Variants in YTHDF2 observed in about 807,000 individuals in gnomAD.
YTHDF2 encodes the protein YTH N6-methyladenosine RNA binding protein F2, also known as YTH domain-containing family protein 2.
Under a neutral mutation model 50.4 loss-of-function variants are expected in YTHDF2, and 2 were observed. The observed-to-expected ratio is 0.04, with a 90% confidence interval of 0.02 to 0.12. The LOEUF is 0.12. Ranked by LOEUF, YTHDF2 falls within the 10% of genes least tolerant of loss-of-function variation. The pLI, the probability that YTHDF2 is intolerant of heterozygous loss-of-function variation, is 1.00. For synonymous variants in YTHDF2, 217 were observed against 255.6 expected, an observed-to-expected ratio of 0.85 and a Z score of 1.44; for missense variants, 483 against 722.6, an observed-to-expected ratio of 0.67 and a Z score of 3.80.
rs180708374 is a variant in YTHDF2, at chr1:28,742,941, A to G, written c.671A>G (p.Asn224Ser). The change falls in exon 4 of 5, where the codon AAT (asparagine) becomes AGT (serine). Residue 224 changes from asparagine (N) to serine (S), a missense_variant. Asn to Ser is a conservative substitution (Grantham distance 46). Transcript: ENST00000373812. ...ATTACTAGTAACATCGTGGCTTCCA[A>G]TAGTTTGCCTCCAGCCACCATTGCT... is the stretch of plus-strand genomic sequence containing the variant. ...GSITSNIVAS[N>S]SLPPATIAPP... 480 of 1,614,140 alleles carry G rather than the reference A, an allele frequency of 3.0e-4. 6 individuals carry two copies. The Admixed American group carries it at 7.2e-3, about 24-fold the overall frequency.
In YTHDF2 at chr1:28,742,923, G is replaced by C; in HGVS notation, c.653G>C (p.Ser218Thr). 2 of 1,614,172 alleles carry C rather than the reference G, an allele frequency of 1.2e-6. No individual in the cohort carries two copies. The highest frequency in any genetic ancestry group is 1.7e-6 in the Non-Finnish European group (2 of 1,180,036). Residue 218 changes from serine to threonine, a missense_variant, in exon 4 of 5, where the codon AGT becomes ACT. This residue lies in a region of YTHDF2 where 385 missense variants were observed against 475.8 expected (regional missense o/e 0.81). Coordinates refer to ENST00000373812, the MANE Select transcript of YTHDF2 (RefSeq NM_016258.3). ...GSAVGSGSIT[S>T]NIVASNSLPP... is the part of the protein sequence containing the mutation. ...GCTGTTGGTAGCGGGTCCATTACTA[G>C]TAACATCGTGGCTTCCAATAGTTTG...
chr1:28,752,207 CTT>C (rs1342480826), intron 4 of YTHDF2, among the ~76,000 whole-genome samples: 3 of 152,184 alleles, frequency 2.0e-5, no homozygotes, highest in Admixed American at 6.5e-5. Flanking sequence ...ATTCCTTACT[CTT>C]GAGGTTATTT....
intron 2 of YTHDF2, chr1:28,737,911 C>A: frequency 5.0e-6 from 3 of 596,860 alleles, no homozygotes; most frequent in South Asian, 4.1e-5. Flanking sequence ...GGTTTTGAAA[C>A]GCTCCAGGTC....
chr1:28,762,713 A>T (rs2088154185), intron 4 of YTHDF2, among the ~76,000 whole-genome samples: 1 of 152,258 alleles, frequency 6.6e-6, no homozygotes, highest in East Asian at 1.9e-4. Context: ...GAAGCTAAAT[A>T]GGCAGATTTA....
Position 28,737,047 on chromosome 1 carries a change from A to C in YTHDF2, c.-74A>C, listed in dbSNP as rs6697540. ...CAAAAGCCTCCGCCTGCTCCCGCAG[A>C]CGGGGCTCATCTGCCGCCGCCGCCG... On this transcript the variant is annotated 5_prime_UTR_variant, in exon 1 of 5. Transcript: ENST00000373812. 1,530,511 of 1,539,214 alleles carry C rather than the reference A, an allele frequency of 0.99. 761,291 individuals are homozygous for C. The highest frequency in any genetic ancestry group is 1 in the East Asian group (40,701 of 40,702).
chr1:28,742,651 T>C lies in YTHDF2; in HGVS notation c.381T>C (p.Ser127=), dbSNP rs1322647844. The change falls in exon 4 of 5, where the codon AGT becomes AGC. Residue 127 remains serine, a synonymous_variant. Coordinates refer to ENST00000373812, the MANE Select transcript of YTHDF2 (RefSeq NM_016258.3). ...LGQHGFNFFP[S]GIDFSAWGNN... ...AGCATGGTTTTAATTTCTTTCCCAG[T>C]GGGATTGACTTCTCAGCATGGGGAA... is the stretch of plus-strand genomic sequence containing the variant. 6.2e-7 allele frequency: 1 copy of C among 1,614,096 alleles called. No homozygotes were observed.
At chr1:28,741,272 A>G (rs945760496) in intron 3 of YTHDF2, among the ~76,000 whole-genome samples, 4 of 152,106 alleles carry the variant, frequency 2.6e-5, no homozygotes. Flanking sequence ...TGCTGGAATT[A>G]CAGGCGTGAG....
At chr1:28,744,112 G>C in intron 4 of YTHDF2, 126 bp downstream of exon 4, 7 of 1,046,170 alleles carry the variant, frequency 6.7e-6, no homozygotes, top group Non-Finnish European at 9.2e-6. Context: ...ACAGTTCAAG[G>C]CTTTATAGAA....
At chr1:28,737,486 C>A in intron 1 of YTHDF2, 172 bp from the exon 2 acceptor site, 1 of 901,324 alleles carries the variant, frequency 1.1e-6, no homozygotes, top group Non-Finnish European at 1.7e-6. Flanking sequence ...GCCCCACGGG[C>A]CTGGCGCTTT....
In YTHDF2 at chr1:28,742,796, C is replaced by G; in HGVS notation, c.526C>G (p.Leu176Val). The G allele has an allele frequency of 6.2e-7, 1 of 1,614,140 alleles. No homozygotes were observed. The highest frequency in any genetic ancestry group is 2.2e-5 in the East Asian group (1 of 44,876). The stretch of plus-strand genomic sequence containing the variant: ...ACAGTCAGCTTTTGCCAATGAGACC[C>G]TCAATAAGGCTCCTGGCATGAATAC... ...DGQSAFANETLNKAPGMNTID... is the reference protein window; with the variant it reads ...DGQSAFANETVNKAPGMNTID... The change falls in exon 4 of 5, where the codon CTC (leucine) becomes GTC (valine). Residue 176 changes from leucine to valine, a missense_variant. By Grantham distance (32) the Leu-to-Val change is conservative. This residue lies in a region of YTHDF2 where 385 missense variants were observed against 475.8 expected (regional missense o/e 0.81). Coordinates refer to ENST00000373812, the MANE Select transcript of YTHDF2 (RefSeq NM_016258.3).
At chr1:28,751,378 C>T (rs2087949832) in intron 4 of YTHDF2, among the ~76,000 whole-genome samples, 1 of 152,146 alleles carries the variant, frequency 6.6e-6, no homozygotes, top group Non-Finnish European at 1.5e-5. Context: ...TATCTTACCA[C>T]CCCACCACTG....
At chr1:28,739,800 G>A (rs1005254091) in intron 3 of YTHDF2, among the ~76,000 whole-genome samples, 2 of 152,180 alleles carry the variant, frequency 1.3e-5, no homozygotes, top group African/African-American at 4.8e-5. Context: ...TATGACCTGT[G>A]CATGTAGAAA....
chr1:28,755,585 C>A (rs960956694), intron 4 of YTHDF2, among the ~76,000 whole-genome samples: 1 of 151,860 alleles, frequency 6.6e-6, no homozygotes, highest in African/African-American at 2.4e-5. Flanking sequence ...AGAGCCAACA[C>A]GAGTGAGAGA....
chr1:28,768,898 A>G, intron 4 of YTHDF2, 31 bp from the exon 5 acceptor site: 1 of 1,568,194 alleles, frequency 6.4e-7, no homozygotes. Context: ...GATAATTTTT[A>G]ACCATTTCAA....
Position 28,742,832 on chromosome 1 carries a change from G to A in YTHDF2, c.562G>A (p.Gly188Arg). 2 of 1,614,134 alleles carry A rather than the reference G, an allele frequency of 1.2e-6. No individual in the cohort carries two copies. Among genetic ancestry groups the A allele is most frequent in the Non-Finnish European group, 1.7e-6 (2 of 1,180,012 alleles). ...TCCTGGCATGAATACTATAGACCAA[G>A]GGATGGCAGCACTGAAGTTGGGTAG... The part of the protein sequence containing the change: ...KAPGMNTIDQ[G>R]MAALKLGSTE... The change falls in exon 4 of 5, where the codon GGG (glycine) becomes AGG (arginine). Residue 188 changes from glycine to arginine, a missense_variant. Physicochemically the swap from Gly to Arg is moderately radical, Grantham distance 125. Transcript: ENST00000373812.
chr1:28,743,339 C>T lies in YTHDF2; in HGVS notation c.1069C>T (p.Arg357Cys), dbSNP rs1178225631. 1 of 1,614,108 alleles carries T rather than the reference C, an allele frequency of 6.2e-7. No homozygotes were observed. Among genetic ancestry groups the T allele is most frequent in the Non-Finnish European group, 8.5e-7 (1 of 1,180,024 alleles). Residue 357 changes from arginine to cysteine, a missense_variant, in exon 4 of 5, where the codon CGT (arginine) becomes TGT (cysteine). Around this residue, in one of 4 missense-constraint regions of YTHDF2, gnomAD observed 385 missense variants for 475.8 expected, o/e 0.81. Coordinates refer to ENST00000373812, the MANE Select transcript of YTHDF2 (RefSeq NM_016258.3). This position sits in a 1 kb window ranked among gnomAD's most constrained non-coding sequence, Gnocchi z 6.9. ...QPTRWVAPRNRGSGFGHNGVD... is the reference protein window; with the variant it reads ...QPTRWVAPRNCGSGFGHNGVD... ...AACCCGCTGGGTAGCACCTCGGAAC[C>T]GTGGCAGTGGGTTCGGTCATAATGG...
chr1:28,767,773 G>T (rs1393298020), intron 4 of YTHDF2, among the ~76,000 whole-genome samples: 1 of 143,398 alleles, frequency 7.0e-6, no homozygotes, highest in Non-Finnish European at 1.5e-5. Context: ...CTCCCAAAGT[G>T]CTGGGACTAC....
In YTHDF2 at chr1:28,738,246, T is replaced by G; in HGVS notation, c.53-13T>G. ...GGATTGGGACACTCCTAATTGAATT[T>G]TTTTTTCTTTAGTACAAAATGGATC... On this transcript the variant is annotated splice_polypyrimidine_tract_variant and intron_variant, in intron 2 of 4. Transcript: ENST00000373812. 1 of 1,609,988 alleles carries G rather than the reference T, an allele frequency of 6.2e-7. No homozygotes were observed. Among genetic ancestry groups the G allele is most frequent in the Non-Finnish European group, 8.5e-7 (1 of 1,176,382 alleles).
rs1235510012 is a variant in YTHDF2, at chr1:28,769,743, T to A, written c.*791T>A. The A allele has an allele frequency of 6.6e-6, 1 of 152,666 alleles. No individual in the cohort carries two copies. Among genetic ancestry groups the A allele is most frequent in the Non-Finnish European group, 1.5e-5 (1 of 68,048 alleles). The allele number at this position is 152,666 out of a possible 1,614,324, so 9.5% of individuals were successfully genotyped here. On this transcript the variant is annotated 3_prime_UTR_variant, in exon 5 of 5. Coordinates refer to ENST00000373812, the MANE Select transcript of YTHDF2 (RefSeq NM_016258.3). Reference sequence around the variant, plus strand: ...TGCCTTTCTTTTTACCATTAATCACTTCTCAATAAACGTGAGATCCTGTTG... The same window carrying A: ...TGCCTTTCTTTTTACCATTAATCACATCTCAATAAACGTGAGATCCTGTTG...
Sources: gnomAD v4.1 joint callset for allele counts (sites outside exome capture counted in the v4.1 genomes callset) on GRCh38, gnomAD v4.1.1 for gene constraint, gnomAD v4.1.1 regional missense constraint, Gnocchi (gnomAD v3.1) non-coding constraint, MANE v1.5 for transcripts, NCBI Gene and HGNC (gene_info 2026-07-23, HGNC 2026-07-21) for gene names.